INPP5A: variants seen among roughly 807,000 people sequenced by gnomAD.
The protein encoded by INPP5A is inositol polyphosphate-5-phosphatase A, also known as 43 kDa inositol polyphosphate 5-phophatase.
In INPP5A, 14 loss-of-function variants were observed where a neutral mutation model predicts 65.2. That is an observed-to-expected ratio of 0.21 (90% CI 0.14 to 0.34). The LOEUF (loss-of-function observed/expected upper bound fraction) is 0.34, where lower values mean the gene tolerates loss of function less well. Ranked by LOEUF, INPP5A falls within the 10% of genes least tolerant of loss-of-function variation. The probability of loss-of-function intolerance (pLI) is 1.00; values close to 1 mark genes in which losing one functional copy is unlikely to be tolerated. For synonymous variants in INPP5A, 207 were observed against 208.3 expected (o/e 0.99, Z 0.05); for missense variants, 431 against 545.6 (o/e 0.79, Z 2.09).
In INPP5A at chr10:132,550,966, G is replaced by A. The variant is rs1214008118; in HGVS notation, c.75+12795G>A. Among the ~76,000 whole-genome samples the A allele has an allele frequency of 6.6e-6, 1 of 152,194 alleles. No individual in the cohort carries two copies. The highest frequency in any genetic ancestry group is 6.5e-5 in the Admixed American group (1 of 15,276). On this transcript the variant is annotated intron_variant, in intron 1 of 15. Coordinates refer to ENST00000368594, the MANE Select transcript of INPP5A (RefSeq NM_005539.5). The surrounding 1 kb of genome is among the most constrained non-coding windows in gnomAD (Gnocchi z 4.2). ...CTTGGGTGACAGTGGGCCATGTGGT[G>A]GGGACTCTGCAGGCCACCTGGAAAG...
chr10:132,723,306 C>T (rs1372873477), intron 8 of INPP5A, among the ~76,000 whole-genome samples: 1 of 152,246 alleles, frequency 6.6e-6, no homozygotes, highest in Non-Finnish European at 1.5e-5. Context: ...TGAGGGCCAG[C>T]CGGGAGGCCG....
Position 132,538,118 on chromosome 10 carries a change from C to G in INPP5A, c.22C>G (p.Pro8Ala). 5 of 1,237,106 alleles carry G rather than the reference C, an allele frequency of 4.0e-6. No homozygotes were observed. The highest frequency in any genetic ancestry group is 4.1e-6 in the Non-Finnish European group (4 of 987,034). The allele number at this position is 1,237,106 out of a possible 1,614,324, so 76.6% of individuals were successfully genotyped here. A position where few individuals can be genotyped will look rare whatever the true frequency, so the allele number is the denominator to read the frequency against. The change falls in exon 1 of 16, where the codon CCG (proline) becomes GCG (alanine). Residue 8 changes from proline to alanine, a missense_variant. Physicochemically the swap from Pro to Ala is conservative, Grantham distance 27. Coordinates refer to ENST00000368594, the MANE Select transcript of INPP5A (RefSeq NM_005539.5). The surrounding 1 kb of genome is among the most constrained non-coding windows in gnomAD (Gnocchi z 4.1). ...CACCATGGCGGGGAAGGCGGCCGCC[C>G]CGGGCACCGCGGTGCTGCTGGTCAC... Reference protein sequence around the residue: MAGKAAAPGTAVLLVTAN... With the variant: MAGKAAAAGTAVLLVTAN...
Position 132,741,718 on chromosome 10 carries a change from A to G in INPP5A, c.733-7799A>G, listed in dbSNP as rs895935182. On this transcript the variant is annotated intron_variant, in intron 9 of 15. Coordinates refer to ENST00000368594, the MANE Select transcript of INPP5A (RefSeq NM_005539.5). The surrounding 1 kb of genome is among the most constrained non-coding windows in gnomAD (Gnocchi z 4.4). ...AATGTAAACTGAGGTGGACGTCAGT[A>G]TCTGTGTCCGCTTGCTTTACTCAAT... 2.0e-5 allele frequency among the ~76,000 whole-genome samples: 3 copies of G among 148,850 alleles called. No homozygotes were observed. Among genetic ancestry groups the G allele is most frequent in the Non-Finnish European group, 3.0e-5 (2 of 67,628 alleles).
intron 4 of INPP5A, among the ~76,000 whole-genome samples, chr10:132,680,697 G>A (rs966429834): frequency 2.0e-5 from 3 of 152,266 alleles, no homozygotes; most frequent in African/African-American, 7.2e-5. Flanking sequence ...TGCGCGTGGC[G>A]CTTGCGGGCC....
chr10:132,775,817 C>T (rs2134691675), intron 12 of INPP5A, among the ~76,000 whole-genome samples: 1 of 152,302 alleles, frequency 6.6e-6, no homozygotes, highest in African/African-American at 2.4e-5. Flanking sequence ...GTGCTTCCTG[C>T]CACGCCCTGG....
intron 4 of INPP5A, among the ~76,000 whole-genome samples, chr10:132,673,154 A>G (rs564800818): frequency 6.6e-6 from 1 of 152,330 alleles, no homozygotes; most frequent in South Asian, 2.1e-4. Flanking sequence ...TTCTTAGCCT[A>G]TTGACATAAA....
chr10:132,560,647 C>T (rs772843018), intron 1 of INPP5A, among the ~76,000 whole-genome samples: 35 of 152,148 alleles, frequency 2.3e-4, no homozygotes, highest in African/African-American at 4.3e-4. Flanking sequence ...TTGCTCAGGC[C>T]GGAGGGCAGT....
intron 4 of INPP5A, among the ~76,000 whole-genome samples, chr10:132,688,866 T>TAGTGCATGAGTG (rs1275508064): frequency 7.3e-4 from 110 of 150,200 alleles, no homozygotes; most frequent in African/African-American, 2.6e-3. Flanking sequence ...GTGCATGAGT[T>TAGTGCATGAGTG]AGTGCATGAG....
chr10:132,573,412 G>T (rs1460712457), intron 1 of INPP5A, among the ~76,000 whole-genome samples: 7 of 125,136 alleles, frequency 5.6e-5, no homozygotes. Flanking sequence ...TGCGTGCCGT[G>T]TGAGGTTTTG....
rs529119288 is a variant in INPP5A at position 132,688,992 on chromosome 10, TGTGA to T, written c.307-1396_307-1393del. Among the ~76,000 whole-genome samples, 221 of 152,260 alleles carry T rather than the reference TGTGA, an allele frequency of 1.5e-3. 1 individual carries two copies. Among genetic ancestry groups the T allele is most frequent in the African/African-American group, 4.5e-3 (186 of 41,532 alleles). On this transcript the variant is annotated intron_variant, in intron 4 of 15. Coordinates refer to ENST00000368594, the MANE Select transcript of INPP5A (RefSeq NM_005539.5). ...GCATGAGTGTATGTGTGCAAGTGTGTGTGAGTGCCTGTGAGTGCTTGTGCGTGAG... is the reference window on the plus strand; with the variant it reads ...GCATGAGTGTATGTGTGCAAGTGTGTGTGCCTGTGAGTGCTTGTGCGTGAG...
At chr10:132,724,314 T>C (rs1319143671) in intron 8 of INPP5A, among the ~76,000 whole-genome samples, 5 of 152,134 alleles carry the variant, frequency 3.3e-5, no homozygotes, top group Non-Finnish European at 7.3e-5. Context: ...GGGAAATCGA[T>C]GAACTTAGAT....
At position 132,583,624 on chromosome 10, in the gene INPP5A, G is replaced by A. The variant is rs954158851; in HGVS notation, c.76-24291G>A. Among the ~76,000 whole-genome samples the A allele has an allele frequency of 4.6e-5, 7 of 152,142 alleles. No individual in the cohort carries two copies. The East Asian group carries it at 7.7e-4, about 17-fold the overall frequency. On this transcript the variant is annotated intron_variant, in intron 1 of 15. Coordinates refer to ENST00000368594, the MANE Select transcript of INPP5A (RefSeq NM_005539.5). ...TCATACTCTGCTGAGCGTTTTCGCC[G>A]TCGAGGAATGTCGAATGTGCTCAGA... is the stretch of plus-strand genomic sequence containing the variant.
rs746879192 is a variant in INPP5A at position 132,607,965 on chromosome 10, C to T, written c.117+9C>T. The T allele has an allele frequency of 5.6e-6, 9 of 1,610,758 alleles. No individual in the cohort carries two copies. In the East Asian group the frequency reaches 1.8e-4, roughly 32 times the overall value. The stretch of plus-strand genomic sequence containing the variant: ...TTCGGGAATTTTACCAGGTAAGAAC[C>T]ACTGAAACGTGTTCTTTTGGATTCA... On this transcript the variant is annotated intron_variant, in intron 2 of 15. Transcript: ENST00000368594.
At chr10:132,589,580 T>G (rs530012201) in intron 1 of INPP5A, among the ~76,000 whole-genome samples, 11 of 152,238 alleles carry the variant, frequency 7.2e-5, no homozygotes, top group Admixed American at 4.6e-4. Flanking sequence ...GCCTTCTGCC[T>G]GTAGAGGTTT....
chr10:132,632,501 T>G (rs565179045), intron 2 of INPP5A, among the ~76,000 whole-genome samples: 1 of 152,126 alleles, frequency 6.6e-6, no homozygotes, highest in African/African-American at 2.4e-5. Context: ...CCGAAGTGGA[T>G]CCTCTGAGAG....
In INPP5A at chr10:132,753,686, G is replaced by A. The variant is rs553343597; in HGVS notation, c.903+3841G>A. 6.6e-6 allele frequency: 1 copy of A among 152,302 alleles called. No homozygotes were observed. The highest frequency in any genetic ancestry group is 1.9e-4 in the East Asian group (1 of 5,178). 9.4% of individuals were successfully genotyped at this position (152,302 alleles called of 1,614,324 possible). A position where few individuals can be genotyped will look rare whatever the true frequency, so the allele number is the denominator to read the frequency against. ...GGGCTTGGGAGTTTCCGCAGCACCGGCCTCTTGGAGGGAGGTGTTTTCTGT... is the reference window on the plus strand; with the variant it reads ...GGGCTTGGGAGTTTCCGCAGCACCGACCTCTTGGAGGGAGGTGTTTTCTGT... On this transcript the variant is annotated intron_variant, in intron 11 of 15. Transcript: ENST00000368594. This position sits in a 1 kb window ranked among gnomAD's most constrained non-coding sequence, Gnocchi z 5.3.
chr10:132,572,759 C>G (rs2071361583), intron 1 of INPP5A, among the ~76,000 whole-genome samples: 1 of 152,264 alleles, frequency 6.6e-6, no homozygotes, highest in East Asian at 1.9e-4. Context: ...TGCCACTTAA[C>G]CTGGTGTTGC....
rs983060000 is a variant in INPP5A at position 132,741,496 on chromosome 10, C to T, written c.733-8021C>T. Among the ~76,000 whole-genome samples, 7 of 152,104 alleles carry T rather than the reference C, an allele frequency of 4.6e-5. No individual in the cohort carries two copies. Among genetic ancestry groups the T allele is most frequent in the African/African-American group, 1.4e-4 (6 of 41,426 alleles). On this transcript the variant is annotated intron_variant, in intron 9 of 15. Coordinates refer to ENST00000368594, the MANE Select transcript of INPP5A (RefSeq NM_005539.5). The surrounding 1 kb of genome is among the most constrained non-coding windows in gnomAD (Gnocchi z 4.4). ...CCTGCATTGCACCCAGAAGAGGATA[C>T]CCCCGAATGAAGCTGGAGGCTGCTG... is the stretch of plus-strand genomic sequence containing the variant.
intron 11 of INPP5A, among the ~76,000 whole-genome samples, chr10:132,760,750 G>A (rs1172624286): frequency 2.0e-5 from 3 of 152,180 alleles, no homozygotes; most frequent in East Asian, 1.9e-4. Flanking sequence ...GCAGGAGGAC[G>A]CTCGGTTTCC....
Sources: gnomAD v4.1 joint callset for allele counts (sites outside exome capture counted in the v4.1 genomes callset) on GRCh38, gnomAD v4.1.1 for gene constraint, Gnocchi (gnomAD v3.1) non-coding constraint, MANE v1.5 for transcripts, NCBI Gene and HGNC (gene_info 2026-07-23, HGNC 2026-07-21) for gene names.